Variants in BANK1 observed in about 807,000 individuals in gnomAD.
BANK1 encodes B-cell scaffold protein with ankyrin repeats.
A neutral mutation model predicts 94.5 loss-of-function variants in BANK1; 95 were observed. That is an observed-to-expected ratio of 1.00 (90% CI 0.85 to 1.19). The LOEUF is 1.19. Among genes scored for constraint, BANK1 ranks in the 50% most tolerant of loss-of-function variants. The pLI is 0.00. For missense variants in BANK1, 987 were observed against 932.2 expected, an observed-to-expected ratio of 1.06 and a Z score of -0.77; for synonymous variants, 334 against 308.4, an observed-to-expected ratio of 1.08 and a Z score of -0.87.
At chr4:102,001,103 G>C (rs953737572) in intron 7 of BANK1, among the ~76,000 whole-genome samples, 13 of 152,194 alleles carry the variant, frequency 8.5e-5, no homozygotes, top group Non-Finnish European at 1.5e-5. Context: ...AGGGCATGCA[G>C]CAGCAGCAGT....
intron 1 of BANK1, among the ~76,000 whole-genome samples, chr4:101,803,346 G>A (rs1026150169): frequency 3.3e-5 from 5 of 152,152 alleles, no homozygotes; most frequent in African/African-American, 1.2e-4. Flanking sequence ...AAATTAAGGG[G>A]CTATAGTATA....
At chr4:101,936,619 AAATT>A (rs1406019337) in intron 7 of BANK1, among the ~76,000 whole-genome samples, 2 of 151,226 alleles carry the variant, frequency 1.3e-5, no homozygotes, top group Non-Finnish European at 1.5e-5. Context: ...ATAGGAAAAA[AAATT>A]AATTATCCAA....
intron 9 of BANK1, among the ~76,000 whole-genome samples, chr4:102,025,794 C>G (rs1181566572): frequency 8.0e-6 from 1 of 124,310 alleles, no homozygotes; most frequent in African/African-American, 2.5e-5. Flanking sequence ...CTGTTTCTCT[C>G]TTTCTTTCTT....
At chr4:101,967,930 AG>A (rs1449123878) in intron 7 of BANK1, among the ~76,000 whole-genome samples, 1 of 152,092 alleles carries the variant, frequency 6.6e-6, no homozygotes, top group African/African-American at 2.4e-5. Flanking sequence ...AACCAACTGC[AG>A]TAACATAGAA....
chr4:101,826,116 A>G (rs1726356063), intron 1 of BANK1, among the ~76,000 whole-genome samples: 1 of 152,104 alleles, frequency 6.6e-6, no homozygotes, highest in Non-Finnish European at 1.5e-5. Context: ...CTGTTAGAGT[A>G]CATGATATGT....
At chr4:102,010,486 G>C (rs930268323) in intron 7 of BANK1, among the ~76,000 whole-genome samples, 1 of 148,042 alleles carries the variant, frequency 6.8e-6, no homozygotes, top group South Asian at 2.1e-4. Context: ...TCCGCCTCCC[G>C]GGTTCCAGCA....
chr4:101,995,522 C>T (rs1024955691), intron 7 of BANK1, among the ~76,000 whole-genome samples: 5 of 150,978 alleles, frequency 3.3e-5, no homozygotes, highest in Admixed American at 1.4e-4. Flanking sequence ...AATCGCCACA[C>T]TGACTTCCAC....
At chr4:101,896,932 C>A (rs1722102119) in intron 6 of BANK1, among the ~76,000 whole-genome samples, 1 of 151,898 alleles carries the variant, frequency 6.6e-6, no homozygotes, top group African/African-American at 2.4e-5. Flanking sequence ...ATACAACCAT[C>A]AGAAATTAAT....
intron 7 of BANK1, among the ~76,000 whole-genome samples, chr4:101,923,583 C>A (rs545252319): frequency 3.3e-5 from 5 of 151,938 alleles, no homozygotes; most frequent in African/African-American, 9.6e-5. Flanking sequence ...TCTGCACTCT[C>A]TTCACTTGTG....
At chr4:101,935,548 A>G (rs897349183) in intron 7 of BANK1, among the ~76,000 whole-genome samples, 1 of 151,582 alleles carries the variant, frequency 6.6e-6, no homozygotes, top group African/African-American at 2.4e-5. Context: ...GGGAGTTAAA[A>G]GGAATCTTTT....
At chr4:101,880,739 A>C (rs1234833445) in intron 5 of BANK1, among the ~76,000 whole-genome samples, 1 of 152,172 alleles carries the variant, frequency 6.6e-6, no homozygotes, top group Non-Finnish European at 1.5e-5. Context: ...AGACCAAAGC[A>C]ACAGAATAGA....
At chr4:101,870,032 T>C (rs1728225818) in intron 4 of BANK1, among the ~76,000 whole-genome samples, 1 of 151,990 alleles carries the variant, frequency 6.6e-6, no homozygotes, top group Admixed American at 6.6e-5. Context: ...TTCATTGCAG[T>C]CAATTGAATA....
intron 7 of BANK1, among the ~76,000 whole-genome samples, chr4:101,965,512 A>C (rs1032433949): frequency 2.6e-5 from 4 of 152,086 alleles, no homozygotes; most frequent in African/African-American, 9.7e-5. Flanking sequence ...GAGTATTTCA[A>C]ACTGGTTTTA....
chr4:101,799,974 C>G (rs1446852747), intron 1 of BANK1, among the ~76,000 whole-genome samples: 1 of 152,040 alleles, frequency 6.6e-6, no homozygotes, highest in Non-Finnish European at 1.5e-5. Context: ...AGTTCATGTC[C>G]TTTGTAGGGA....
chr4:101,979,510 G>A (rs1725254300), intron 7 of BANK1, among the ~76,000 whole-genome samples: 1 of 151,752 alleles, frequency 6.6e-6, no homozygotes, highest in Non-Finnish European at 1.5e-5. Context: ...TTGAGAATAA[G>A]TTGTTTTCAG....
At chr4:101,898,895 T>C (rs1371756367) in intron 6 of BANK1, among the ~76,000 whole-genome samples, 2 of 152,088 alleles carry the variant, frequency 1.3e-5, no homozygotes, top group East Asian at 1.9e-4. Context: ...TATTCTATAA[T>C]ATTGGGATGA....
At chr4:101,910,239 G>A (rs1050011867) in intron 6 of BANK1, among the ~76,000 whole-genome samples, 5 of 152,140 alleles carry the variant, frequency 3.3e-5, no homozygotes, top group African/African-American at 1.2e-4. Context: ...TTTATATGAT[G>A]CTGATTCTAC....
chr4:102,022,800 T>TA (rs1204070318), intron 8 of BANK1, among the ~76,000 whole-genome samples: 3 of 152,152 alleles, frequency 2.0e-5, no homozygotes, highest in African/African-American at 4.8e-5. Context: ...TCTCATCCCC[T>TA]ACAAGGCCCT....
intron 7 of BANK1, among the ~76,000 whole-genome samples, chr4:102,014,500 C>G (rs1444171000): frequency 2.0e-5 from 3 of 152,070 alleles, no homozygotes; most frequent in African/African-American, 7.2e-5. Flanking sequence ...TAAACTCAGG[C>G]CTAATTATTC....
Sources: allele counts gnomAD v4.1 joint callset (sites outside exome capture counted in the v4.1 genomes callset), GRCh38; gene constraint gnomAD v4.1.1; transcripts MANE v1.5; gene names NCBI Gene and HGNC (gene_info 2026-07-23, HGNC 2026-07-21).